Variants in FHIT observed in about 807,000 individuals in gnomAD.
The protein encoded by FHIT is fragile histidine triad diadenosine triphosphatase.
In FHIT, 19 loss-of-function variants were observed where a neutral mutation model predicts 17.9. That is an observed-to-expected ratio of 1.06 (90% CI 0.74 to 1.56). The LOEUF (loss-of-function observed/expected upper bound fraction) is 1.56, where lower values mean the gene tolerates loss of function less well. Ranked by LOEUF, FHIT falls within the 40% of genes most tolerant of loss-of-function variation. The pLI is 0.00. For synonymous variants in FHIT, 81 were observed against 69.7 expected (o/e 1.16, Z -0.81); for missense variants, 248 against 189.2 (o/e 1.31, Z -1.82).
chr3:60,516,765 C>G (rs1022382213), intron 5 of FHIT, among the ~76,000 whole-genome samples: 2 of 152,186 alleles, frequency 1.3e-5, no homozygotes, highest in African/African-American at 4.8e-5. Flanking sequence ...AGAAGCATCT[C>G]CGCCAGAGTA....
chr3:60,124,661 A>G (rs547222355), intron 5 of FHIT, among the ~76,000 whole-genome samples: 1 of 152,322 alleles, frequency 6.6e-6, no homozygotes, highest in Admixed American at 6.5e-5. Flanking sequence ...TGTCTACCAA[A>G]GAGCAATGCA....
rs546694460 is a variant in FHIT at position 61,107,336 on chromosome 3, G to A, written c.-163-65237C>T. On this transcript the variant is annotated intron_variant, in intron 2 of 9. Transcript: ENST00000492590. ...TTTATTAAGGCTGAATAATTTTCCA[G>A]GGTGTATGTATATCACATTTTCTTT... Among the ~76,000 whole-genome samples, 9 of 152,240 alleles carry A rather than the reference G, an allele frequency of 5.9e-5. No individual in the cohort carries two copies. In the South Asian group the frequency reaches 8.3e-4, roughly 14 times the overall value.
intron 5 of FHIT, among the ~76,000 whole-genome samples, chr3:60,106,244 G>A (rs1260177713): frequency 6.6e-6 from 1 of 152,086 alleles, no homozygotes; most frequent in Non-Finnish European, 1.5e-5. Flanking sequence ...CTGTAAATTT[G>A]GATATGCCAA....
chr3:60,144,929 G>C (rs1479325706), intron 5 of FHIT, among the ~76,000 whole-genome samples: 1 of 152,088 alleles, frequency 6.6e-6, no homozygotes, highest in African/African-American at 2.4e-5. Context: ...ATGCCAAATA[G>C]AAAGCACTTT....
At chr3:60,977,795 C>T (rs1161058222) in intron 3 of FHIT, among the ~76,000 whole-genome samples, 3 of 151,980 alleles carry the variant, frequency 2.0e-5, no homozygotes, top group Non-Finnish European at 4.4e-5. Flanking sequence ...CACTTGAACC[C>T]AGGAGGTAGA....
chr3:59,970,346 G>A (rs144021272), intron 7 of FHIT, among the ~76,000 whole-genome samples: 1 of 152,030 alleles, frequency 6.6e-6, no homozygotes, highest in Non-Finnish European at 1.5e-5. Context: ...ATAATGAATC[G>A]TAAAGAGGCA....
intron 1 of FHIT, among the ~76,000 whole-genome samples, chr3:61,249,221 T>C (rs1158012538): frequency 6.6e-6 from 1 of 152,220 alleles, no homozygotes; most frequent in Non-Finnish European, 1.5e-5. Flanking sequence ...GAAAATAAGA[T>C]GCTTGGTTCT....
At chr3:60,946,194 G>T (rs1575733925) in intron 3 of FHIT, among the ~76,000 whole-genome samples, 1 of 152,166 alleles carries the variant, frequency 6.6e-6, no homozygotes, top group South Asian at 2.1e-4. Flanking sequence ...TCAAAGAACT[G>T]TTGGAGTAGA....
At position 60,728,362 on chromosome 3, in the gene FHIT, T is replaced by C. The variant is rs982494129; in HGVS notation, c.-18+93557A>G. ...CTTTCTTTTAATGCTCATTAATCTT[T>C]CTGTTAACAATACTTCTGACCCTCA... On this transcript the variant is annotated intron_variant, in intron 4 of 9. Coordinates refer to ENST00000492590, the MANE Select transcript of FHIT (RefSeq NM_002012.4). Among the ~76,000 whole-genome samples the C allele has an allele frequency of 3.9e-5, 6 of 152,204 alleles. 1 individual carries two copies. Among genetic ancestry groups the C allele is most frequent in the Admixed American group, 2.6e-4 (4 of 15,282 alleles).
At chr3:60,670,004 T>C (rs1356740477) in intron 4 of FHIT, among the ~76,000 whole-genome samples, 3 of 152,208 alleles carry the variant, frequency 2.0e-5, no homozygotes, top group Non-Finnish European at 4.4e-5. Context: ...CTTATCACTG[T>C]GTGGATTTGC....
In FHIT at chr3:60,117,494, T is replaced by TGA. The variant is rs1378538733; in HGVS notation, c.104-103343_104-103342insTC. 0.016 allele frequency among the ~76,000 whole-genome samples: 1,384 copies of TGA among 86,816 alleles called. 68 individuals are homozygous for TGA. In the East Asian group the frequency reaches 0.18, roughly 11 times the overall value. 57.0% of individuals were successfully genotyped at this position (86,816 alleles called of 152,430 possible). A position where few individuals can be genotyped will look rare whatever the true frequency, so the allele number is the denominator to read the frequency against. On this transcript the variant is annotated intron_variant, in intron 5 of 9. Transcript: ENST00000492590. Reference sequence around the variant, plus strand: ...GACCCAAAGTCTATTACTTCCTATCTAAAAAAAAAAAAAAAAAAAAAAAAA... The same window carrying TGA: ...GACCCAAAGTCTATTACTTCCTATCTGAAAAAAAAAAAAAAAAAAAAAAAAAA...
At chr3:60,125,412 G>A (rs1159329394) in intron 5 of FHIT, among the ~76,000 whole-genome samples, 2 of 151,932 alleles carry the variant, frequency 1.3e-5, no homozygotes, top group Non-Finnish European at 2.9e-5. Flanking sequence ...CGGTCGGATC[G>A]CCTGAGGTCA....
intron 2 of FHIT, among the ~76,000 whole-genome samples, chr3:61,169,860 G>C (rs925273402): frequency 9.2e-5 from 14 of 152,188 alleles, no homozygotes; most frequent in Non-Finnish European, 2.1e-4. Context: ...TGTTAGAGCA[G>C]ATAAGGGGTT....
At chr3:60,874,648 C>T (rs1220545541) in intron 3 of FHIT, among the ~76,000 whole-genome samples, 2 of 152,156 alleles carry the variant, frequency 1.3e-5, no homozygotes, top group African/African-American at 4.8e-5. Context: ...TGATTAGTCT[C>T]CACCCTCTCC....
intron 5 of FHIT, among the ~76,000 whole-genome samples, chr3:60,492,798 G>A (rs1280587225): frequency 6.6e-6 from 1 of 152,102 alleles, no homozygotes; most frequent in East Asian, 1.9e-4. Flanking sequence ...ACTGTCTATA[G>A]CCTTATAGGA....
At chr3:60,324,294 C>T (rs947330159) in intron 5 of FHIT, among the ~76,000 whole-genome samples, 2 of 151,610 alleles carry the variant, frequency 1.3e-5, no homozygotes, top group Non-Finnish European at 2.9e-5. Context: ...CTCAAGATTC[C>T]AGTTACTAAG....
At chr3:60,122,175 A>T (rs72882746) in intron 5 of FHIT, among the ~76,000 whole-genome samples, 27,289 of 151,946 alleles carry the variant, frequency 0.18, 2,629 homozygotes, top group African/African-American at 0.22. Context: ...GTCAACTCAA[A>T]TGTACTGCTA....
At chr3:60,425,521 C>A (rs1702629452) in intron 5 of FHIT, among the ~76,000 whole-genome samples, 1 of 152,022 alleles carries the variant, frequency 6.6e-6, no homozygotes, top group African/African-American at 2.4e-5. Context: ...TGCACATGTA[C>A]CCCTGAACCT....
intron 4 of FHIT, among the ~76,000 whole-genome samples, chr3:60,784,096 TC>T (rs1700481845): frequency 6.6e-6 from 1 of 152,092 alleles, no homozygotes; most frequent in Non-Finnish European, 1.5e-5. Context: ...TCCATCCAGA[TC>T]CCCTCCCCAT....
Sources: gnomAD v4.1 joint callset for allele counts (sites outside exome capture counted in the v4.1 genomes callset) on GRCh38, gnomAD v4.1.1 for gene constraint, MANE v1.5 for transcripts, NCBI Gene and HGNC (gene_info 2026-07-23, HGNC 2026-07-21) for gene names.